GLDC: variants seen among roughly 807,000 people sequenced by gnomAD.
GLDC encodes the protein glycine decarboxylase, also known as glycine dehydrogenase (decarboxylating), mitochondrial.
A neutral mutation model predicts 121.3 loss-of-function variants in GLDC; 104 were observed. That is an observed-to-expected ratio of 0.86 (90% confidence interval 0.73 to 1.01). The LOEUF (loss-of-function observed/expected upper bound fraction) is 1.01. Ranked by LOEUF, GLDC falls within the 50% of genes least tolerant of loss-of-function variation. The pLI is 0.00. For synonymous variants in GLDC, 546 were observed against 480.6 expected (o/e 1.14, Z -1.78); for missense variants, 1,429 against 1,306.6 (o/e 1.09, Z -1.44).
chr9:6,550,324 A>G (rs1340520542), intron 21 of GLDC, among the ~76,000 whole-genome samples: 1 of 152,146 alleles, frequency 6.6e-6, no homozygotes, highest in Non-Finnish European at 1.5e-5. Context: ...GCCCCTAAAC[A>G]GTTAACTAAA....
chr9:6,624,896 G>C (rs1385717493), intron 2 of GLDC, among the ~76,000 whole-genome samples: 2 of 152,008 alleles, frequency 1.3e-5, no homozygotes, highest in Non-Finnish European at 2.9e-5. Flanking sequence ...GCTGACACAG[G>C]AGAATCGCTT....
At chr9:6,555,726 A>G (rs1020818149) in intron 18 of GLDC, among the ~76,000 whole-genome samples, 14 of 152,322 alleles carry the variant, frequency 9.2e-5, no homozygotes, top group African/African-American at 3.4e-4. Context: ...CAGGAGGTGG[A>G]GGTTGCAGTG....
chr9:6,565,774 C>T (rs915668296), intron 15 of GLDC: 22 of 519,334 alleles, frequency 4.2e-5, no homozygotes, highest in Non-Finnish European at 6.5e-5. Context: ...AAAGGAACTA[C>T]GACGTGTGTG....
chr9:6,587,070 G>C, intron 15 of GLDC, 71 bp downstream of exon 15: 3 of 1,273,212 alleles, frequency 2.4e-6, no homozygotes, highest in Non-Finnish European at 3.4e-6. Context: ...GTTGTTCTAA[G>C]CCTTTAAGTT....
intron 15 of GLDC, among the ~76,000 whole-genome samples, chr9:6,585,297 G>A (rs139198211): frequency 1.6e-4 from 24 of 152,282 alleles, no homozygotes; most frequent in Non-Finnish European, 3.2e-4. Flanking sequence ...CAATATGACA[G>A]TGAAAATGTG....
At chr9:6,599,805 C>G (rs7849728) in intron 8 of GLDC, among the ~76,000 whole-genome samples, 47,906 of 151,618 alleles carry the variant, frequency 0.32, 8,325 homozygotes, top group African/African-American at 0.44. Context: ...GTGCCAACCA[C>G]CTTTCCTTCC....
chr9:6,605,184 C>T lies in GLDC; in HGVS notation c.808G>A (p.Glu270Lys). 1.9e-6 allele frequency: 3 copies of T among 1,613,750 alleles called. No homozygotes were observed. The highest frequency in any genetic ancestry group is 2.5e-6 in the Non-Finnish European group (3 of 1,179,862). Residue 270 changes from glutamate to lysine, a missense_variant, in exon 6 of 25, where the codon GAG (glutamate) becomes AAG (lysine). Coordinates refer to ENST00000321612, the MANE Select transcript of GLDC (RefSeq NM_000170.3). ...SGVLFQYPDT[E>K]GKVEDFTELV... Reference sequence around the variant, plus strand: ...TCCGTAAAGTCTTCCACCTTCCCCTCCGTGTCTGGGTACTGGAACAACACT... The same window carrying T: ...TCCGTAAAGTCTTCCACCTTCCCCTTCGTGTCTGGGTACTGGAACAACACT...
chr9:6,544,481 T>G (rs903105223), intron 21 of GLDC, among the ~76,000 whole-genome samples: 5 of 152,174 alleles, frequency 3.3e-5, no homozygotes, highest in Non-Finnish European at 7.4e-5. Context: ...TCGTCTATAC[T>G]GAAAATACAA....
At chr9:6,544,000 G>A (rs1280755282) in intron 21 of GLDC, among the ~76,000 whole-genome samples, 1 of 152,098 alleles carries the variant, frequency 6.6e-6, no homozygotes, top group Non-Finnish European at 1.5e-5. Flanking sequence ...ATATGGGAGT[G>A]TGCTGTGAAA....
Position 6,623,588 on chromosome 9 carries a change from A to T in GLDC, c.335-3269T>A, listed in dbSNP as rs907332408. On this transcript the variant is annotated intron_variant, in intron 2 of 24. Transcript: ENST00000321612. The stretch of plus-strand genomic sequence containing the variant: ...TATGACCCTGCCAAATCCCCCTCTG[A>T]GAGAAACACCCAAGAATGATCAATA... Among the ~76,000 whole-genome samples, 23 of 151,740 alleles carry T rather than the reference A, an allele frequency of 1.5e-4. 1 individual carries two copies. Among genetic ancestry groups the T allele is most frequent in the Admixed American group, 6.6e-5 (1 of 15,216 alleles).
chr9:6,624,945 G>A (rs992000616), intron 2 of GLDC, among the ~76,000 whole-genome samples: 1 of 151,140 alleles, frequency 6.6e-6, no homozygotes, highest in South Asian at 2.1e-4. Context: ...CTGAGATCAC[G>A]CCACTGCACT....
intron 21 of GLDC, 149 bp downstream of exon 21, chr9:6,550,654 C>T: frequency 1.5e-6 from 1 of 683,348 alleles, no homozygotes; most frequent in Non-Finnish European, 2.7e-6. Flanking sequence ...ATAAAATAAA[C>T]CCGAGTTATT....
intron 2 of GLDC, among the ~76,000 whole-genome samples, chr9:6,631,302 C>A (rs2129986109): frequency 6.6e-6 from 1 of 152,334 alleles, no homozygotes; most frequent in East Asian, 1.9e-4. Context: ...TTTCTGATGA[C>A]TCCTTGGTCC....
chr9:6,581,041 G>A (rs895122336), intron 15 of GLDC, among the ~76,000 whole-genome samples: 2 of 152,194 alleles, frequency 1.3e-5, no homozygotes, highest in African/African-American at 4.8e-5. Flanking sequence ...CTCCACCTGA[G>A]GGTGTTCTCT....
chr9:6,584,070 G>A (rs983177652), intron 15 of GLDC, among the ~76,000 whole-genome samples: 1 of 152,176 alleles, frequency 6.6e-6, no homozygotes, highest in African/African-American at 2.4e-5. Context: ...CTTTAGAGTT[G>A]TGAAATACTA....
chr9:6,610,462 G>C, intron 3 of GLDC, 106 bp from the exon 4 acceptor site: 13 of 1,089,778 alleles, frequency 1.2e-5, no homozygotes, highest in South Asian at 1.1e-4. Flanking sequence ...TGCCTATCTT[G>C]AGGAGAATTA....
intron 15 of GLDC, among the ~76,000 whole-genome samples, chr9:6,569,961 G>C (rs536932266): frequency 6.6e-6 from 1 of 152,254 alleles, no homozygotes; most frequent in Admixed American, 6.5e-5. Flanking sequence ...GGGCCACAGA[G>C]TGAGACTCAG....
At chr9:6,645,019 A>G (rs1819712073) in intron 1 of GLDC, among the ~76,000 whole-genome samples, 1 of 152,218 alleles carries the variant, frequency 6.6e-6, no homozygotes, top group South Asian at 2.1e-4. Context: ...TTAAAAATGT[A>G]CACTTTTGAG....
At chr9:6,594,587 TGA>T (rs1487135416) in intron 9 of GLDC, among the ~76,000 whole-genome samples, 1 of 151,980 alleles carries the variant, frequency 6.6e-6, no homozygotes, top group Non-Finnish European at 1.5e-5. Context: ...CCCAGTTACC[TGA>T]GAGGCTGAGG....
Sources: allele counts gnomAD v4.1 joint callset (sites outside exome capture counted in the v4.1 genomes callset), GRCh38; gene constraint gnomAD v4.1.1; transcripts MANE v1.5; gene names NCBI Gene and HGNC (gene_info 2026-07-23, HGNC 2026-07-21).